Variants in PPIG observed in about 807,000 individuals in gnomAD.
PPIG encodes the protein peptidylprolyl isomerase G.
A neutral mutation model predicts 87.9 loss-of-function variants in PPIG; 26 were observed. That is an observed-to-expected ratio of 0.30 (90% CI 0.22 to 0.41). The LOEUF is 0.41. PPIG is among the 10% of genes least tolerant of loss of function. PPIG has a pLI of 1.00. For missense variants in PPIG, 722 were observed against 879.4 expected, an observed-to-expected ratio of 0.82 and a Z score of 2.26; for synonymous variants, 308 against 276.5, an observed-to-expected ratio of 1.11 and a Z score of -1.13.
chr2:169,607,046 T>G, intron 5 of PPIG, 58 bp from the exon 6 acceptor site: 1 of 1,039,960 alleles, frequency 9.6e-7, no homozygotes, highest in South Asian at 1.5e-5. Flanking sequence ...GTATTTTGTT[T>G]AGGTATCACC....
At chr2:169,633,849 G>A (rs1353432402) in intron 12 of PPIG, among the ~76,000 whole-genome samples, 2 of 129,640 alleles carry the variant, frequency 1.5e-5, no homozygotes, top group South Asian at 5.4e-4. Flanking sequence ...TTTTTTTTTT[G>A]AGATGGAGTC....
At chr2:169,615,010 A>G (rs1422615139) in intron 9 of PPIG, among the ~76,000 whole-genome samples, 1 of 151,968 alleles carries the variant, frequency 6.6e-6, no homozygotes, top group Non-Finnish European at 1.5e-5. Context: ...TGGTGAGAAG[A>G]ACACTTAAAA....
intron 9 of PPIG, among the ~76,000 whole-genome samples, chr2:169,615,472 AT>A (rs1335977929): frequency 2.6e-5 from 4 of 152,174 alleles, no homozygotes; most frequent in Non-Finnish European, 5.9e-5. Context: ...TGTCCAACAC[AT>A]TTCCTTCTCT....
intron 12 of PPIG, among the ~76,000 whole-genome samples, chr2:169,634,003 A>G (rs923765096): frequency 1.3e-5 from 2 of 151,470 alleles, no homozygotes; most frequent in Non-Finnish European, 2.9e-5. Flanking sequence ...TAATTTTTGT[A>G]TTTTTAGTAG....
chr2:169,602,053 G>GT (rs1384961662), intron 1 of PPIG, among the ~76,000 whole-genome samples: 4 of 152,068 alleles, frequency 2.6e-5, no homozygotes. Context: ...TCACACATAA[G>GT]TACTTAATAC....
intron 1 of PPIG, among the ~76,000 whole-genome samples, chr2:169,587,346 A>G (rs950133666): frequency 6.6e-6 from 1 of 151,908 alleles, no homozygotes; most frequent in African/African-American, 2.4e-5. Context: ...GGTTCAAGCA[A>G]TTCTTCTGCC....
chr2:169,635,355 A>G (rs1000895207), intron 12 of PPIG, among the ~76,000 whole-genome samples: 1 of 152,130 alleles, frequency 6.6e-6, no homozygotes, highest in African/African-American at 2.4e-5. Context: ...AGATTTGGCC[A>G]TGTTTGGTCT....
At chr2:169,592,640 A>G (rs974862946) in intron 1 of PPIG, among the ~76,000 whole-genome samples, 1 of 151,898 alleles carries the variant, frequency 6.6e-6, no homozygotes, top group African/African-American at 2.4e-5. Flanking sequence ...CGTTCTCATT[A>G]TGTTGACCAG....
chr2:169,608,613 A>G (rs1685399894), intron 6 of PPIG, 58 bp from the exon 7 acceptor site: 3 of 1,101,092 alleles, frequency 2.7e-6, no homozygotes, highest in East Asian at 2.4e-5. Flanking sequence ...AGAAGTGAAG[A>G]TGAAATTTTT....
At chr2:169,631,998 T>A (rs547883673) in intron 11 of PPIG, 65 bp downstream of exon 11, 1,282 of 1,353,578 alleles carry the variant, frequency 9.5e-4, no homozygotes, top group Non-Finnish European at 1.2e-3. Context: ...TAAAAAGTTA[T>A]TTATTTTAAA....
At chr2:169,592,611 C>CT (rs1019151829) in intron 1 of PPIG, among the ~76,000 whole-genome samples, 2 of 151,880 alleles carry the variant, frequency 1.3e-5, no homozygotes, top group Non-Finnish European at 2.9e-5. Flanking sequence ...GCTCAGATTT[C>CT]TTTTTTCTAA....
chr2:169,621,429 T>G (rs1007425706), intron 9 of PPIG, among the ~76,000 whole-genome samples: 11 of 152,198 alleles, frequency 7.2e-5, no homozygotes, highest in African/African-American at 2.4e-4. Flanking sequence ...GATTTCTTGA[T>G]GTACATGAGA....
intron 9 of PPIG, among the ~76,000 whole-genome samples, chr2:169,624,880 G>A (rs749828567): frequency 2.4e-4 from 36 of 152,126 alleles, no homozygotes; most frequent in Non-Finnish European, 1.0e-4. Context: ...ATGAGCCACC[G>A]CGCCCAGCCG....
chr2:169,614,065 A>G (rs771783475), intron 7 of PPIG, among the ~76,000 whole-genome samples: 1 of 152,264 alleles, frequency 6.6e-6, no homozygotes, highest in Non-Finnish European at 1.5e-5. Flanking sequence ...GAAAAGCATT[A>G]TTGTTAAACT....
At position 169,637,217 on chromosome 2, in the gene PPIG, C is replaced by A; in HGVS notation, c.1959C>A (p.His653Gln). 5.6e-6 allele frequency: 9 copies of A among 1,613,104 alleles called. No homozygotes were observed. The highest frequency in any genetic ancestry group is 7.6e-6 in the Non-Finnish European group (9 of 1,179,842). The part of the protein sequence containing the change: ...KYRNQESKSS[H>Q]RKENSESEKR... ...GAAACCAAGAGAGTAAGAGCTCACA[C>A]AGAAAAGAAAATTCTGAGAGTGAGA... The change falls in exon 14 of 14, where the codon CAC becomes CAA. Residue 653 changes from histidine (H) to glutamine (Q), a missense_variant. His to Gln is a conservative substitution (Grantham distance 24). Transcript: ENST00000260970.
intron 1 of PPIG, among the ~76,000 whole-genome samples, chr2:169,602,372 G>C (rs1180899325): frequency 5.9e-5 from 9 of 152,142 alleles, no homozygotes; most frequent in East Asian, 3.9e-4. Flanking sequence ...CTGGAGTGCA[G>C]TGGTGCAGTC....
intron 1 of PPIG, among the ~76,000 whole-genome samples, chr2:169,589,106 T>C (rs1684789831): frequency 6.6e-6 from 1 of 152,104 alleles, no homozygotes; most frequent in African/African-American, 2.4e-5. Context: ...ATCGTATATA[T>C]AGTAAGTGCG....
rs528751969 is a variant in PPIG, at chr2:169,591,071, C to T, written c.-70+6581C>T. ...AGAAACTCGGTGCTATGCTGACTTC[C>T]TCATAATGTGTGAAACTTCCAAATA... is the stretch of plus-strand genomic sequence containing the variant. On this transcript the variant is annotated intron_variant, in intron 1 of 13. Transcript: ENST00000260970. Among the ~76,000 whole-genome samples, 28 of 152,264 alleles carry T rather than the reference C, an allele frequency of 1.8e-4. No homozygotes were observed. The South Asian group carries it at 5.8e-3, about 32-fold the overall frequency.
At chr2:169,603,218 G>A (rs1235717605) in intron 1 of PPIG, among the ~76,000 whole-genome samples, 1 of 152,054 alleles carries the variant, frequency 6.6e-6, no homozygotes, top group Non-Finnish European at 1.5e-5. Context: ...TTTACACTTA[G>A]TGCCTTTGTT....
Sources: gnomAD v4.1 joint callset for allele counts (sites outside exome capture counted in the v4.1 genomes callset) on GRCh38, gnomAD v4.1.1 for gene constraint, MANE v1.5 for transcripts, NCBI Gene and HGNC (gene_info 2026-07-23, HGNC 2026-07-21) for gene names.